The following C16orf95 variants were observed in gnomAD, a reference collection of about 807,000 sequenced individuals.
C16orf95 encodes chromosome 16 open reading frame 95, also known as uncharacterized protein C16orf95.
C16orf95 carries 41 observed loss-of-function variants against 32.1 expected under a neutral mutation model. The observed-to-expected ratio is 1.28, with a 90% CI of 1.00 to 1.66. C16orf95 has a LOEUF of 1.66. C16orf95 is among the 40% of genes most tolerant of loss of function. The pLI is 0.00. For synonymous variants in C16orf95, 147 were observed against 128.9 expected (o/e 1.14, Z -0.95); for missense variants, 399 against 325.9 (o/e 1.22, Z -1.73).
In C16orf95 at chr16:87,315,782, G is replaced by A. The variant is rs1597348325; in HGVS notation, c.194C>T (p.Pro65Leu). ...FQTYKKEVCL[P>L]RHSMHPGPWA... is the part of the protein sequence containing the mutation. ...ATTTGCTTTCCTTACCGAATGACGG[G>A]GGAGGCACACTTCTTTCTTGTAGGT... is the stretch of plus-strand genomic sequence containing the variant. The change falls in exon 2 of 7, where the codon CCC (proline) becomes CTC (leucine). Residue 65 changes from proline (P) to leucine (L), a missense_variant. Coordinates refer to ENST00000567970, the MANE Select transcript of C16orf95 (RefSeq NM_001195124.3). 1 of 1,530,424 alleles carries A rather than the reference G, an allele frequency of 6.5e-7. No homozygotes were observed. The highest frequency in any genetic ancestry group is 8.7e-7 in the Non-Finnish European group (1 of 1,143,942). 94.8% of individuals were successfully genotyped at this position (1,530,424 alleles called of 1,614,324 possible). A position where few individuals can be genotyped will look rare whatever the true frequency, so the allele number is the denominator to read the frequency against.
chr16:87,310,418 G>C (rs1261508951), intron 4 of C16orf95, 85 bp from the exon 5 acceptor site: 4 of 1,347,278 alleles, frequency 3.0e-6, no homozygotes, highest in Non-Finnish European at 3.1e-6. Context: ...AAACCTCCAG[G>C]AGGGGCACTG....
chr16:87,311,118 A>G lies in C16orf95; in HGVS notation c.477+32T>C, dbSNP rs1282962178. 5 of 1,462,148 alleles carry G rather than the reference A, an allele frequency of 3.4e-6. No individual in the cohort carries two copies. In the African/African-American group the frequency reaches 7.0e-5, roughly 21 times the overall value. 90.6% of individuals were successfully genotyped at this position (1,462,148 alleles called of 1,614,324 possible). On this transcript the variant is annotated intron_variant, in intron 4 of 6. Coordinates refer to ENST00000567970, the MANE Select transcript of C16orf95 (RefSeq NM_001195124.3). ...TCCCCCGGCCCCCACCTCACTCTTCAGTTCTCACTGCAGTGTGCGCCTCCT... is the reference window on the plus strand; with the variant it reads ...TCCCCCGGCCCCCACCTCACTCTTCGGTTCTCACTGCAGTGTGCGCCTCCT...
chr16:87,309,986 G>T (rs1911206772), intron 5 of C16orf95, among the ~76,000 whole-genome samples: 1 of 152,132 alleles, frequency 6.6e-6, no homozygotes, highest in Non-Finnish European at 1.5e-5. Flanking sequence ...AATTATAGAA[G>T]ATTAGAGCTT....
chr16:87,309,520 A>T (rs56859944), intron 5 of C16orf95, among the ~76,000 whole-genome samples: 30,364 of 151,012 alleles, frequency 0.2, 3,248 homozygotes, highest in South Asian at 0.31. Flanking sequence ...AGTAGCTGGG[A>T]CTACAGACAT....
intron 6 of C16orf95, 157 bp from the exon 7 acceptor site, chr16:87,303,232 T>C (rs2278268): frequency 0.19 from 137,252 of 719,774 alleles, 14,896 homozygotes; most frequent in South Asian, 0.33. Context: ...GGTGCAGGGA[T>C]GAGGGGTGGG....
At chr16:87,313,542 A>T (rs930132596) in intron 3 of C16orf95, among the ~76,000 whole-genome samples, 6 of 152,116 alleles carry the variant, frequency 3.9e-5, no homozygotes, top group African/African-American at 1.4e-4. Flanking sequence ...GAGACTAGCC[A>T]GGGCAACATA....
In C16orf95 at chr16:87,302,820, G is replaced by A. The variant is rs1862788; in HGVS notation, c.*237C>T. On this transcript the variant is annotated 3_prime_UTR_variant, in exon 7 of 7. Coordinates refer to ENST00000567970, the MANE Select transcript of C16orf95 (RefSeq NM_001195124.3). ...TCATTTAAGAGGTGGCCAGTTTAGA[G>A]TTTCACAAATAACATTTATTGACCA... 17,125 of 547,198 alleles carry A rather than the reference G, an allele frequency of 0.031. 1,680 individuals carry two copies. Among genetic ancestry groups the A allele is most frequent in the African/African-American group, 0.25 (13,017 of 52,460 alleles). 33.9% of individuals were successfully genotyped at this position (547,198 alleles called of 1,614,324 possible).
At position 87,305,118 on chromosome 16, in the gene C16orf95, C is replaced by T. The variant is rs531167548; in HGVS notation, c.701+601G>A. Among the ~76,000 whole-genome samples, 1 of 152,298 alleles carries T rather than the reference C, an allele frequency of 6.6e-6. No homozygotes were observed. The highest frequency in any genetic ancestry group is 6.5e-5 in the Admixed American group (1 of 15,302). ...AAGGAGTAAGAGGAAGTAGCTGTTC[C>T]CCGAAGCCCAGCTGTGGCCCGGGGA... On this transcript the variant is annotated intron_variant, in intron 6 of 6. Coordinates refer to ENST00000567970, the MANE Select transcript of C16orf95 (RefSeq NM_001195124.3). The surrounding 1 kb of genome is among the most constrained non-coding windows in gnomAD (Gnocchi z 4.2).
intron 4 of C16orf95, among the ~76,000 whole-genome samples, chr16:87,310,596 G>GC (rs1242692298): frequency 6.6e-6 from 1 of 152,228 alleles, no homozygotes; most frequent in East Asian, 1.9e-4. Context: ...GGAGCGAGAG[G>GC]CCCAGGGGGC....
chr16:87,305,810 G>A lies in C16orf95; in HGVS notation c.610C>T (p.Gln204Ter), dbSNP rs1459573029. The change falls in exon 6 of 7, where the codon CAG becomes TAG. Residue 204 changes from glutamine (Q) to a stop codon, truncating the protein, a stop_gained. Coordinates refer to ENST00000567970, the MANE Select transcript of C16orf95 (RefSeq NM_001195124.3). LOFTEE classifies it high-confidence loss of function. This position sits in a 1 kb window ranked among gnomAD's most constrained non-coding sequence, Gnocchi z 4.2. ...GCTGCAGGAGCCGGTAGCTGGTCCT[G>A]GTAGGGGGCCTGGAGCTGCTGGAAC... is the stretch of plus-strand genomic sequence containing the variant. ...SKFQQLQAPY[Q>*]DQLPAPAARL... 2 of 1,511,182 alleles carry A rather than the reference G, an allele frequency of 1.3e-6. No individual in the cohort carries two copies. Among genetic ancestry groups the A allele is most frequent in the South Asian group, 2.5e-5 (2 of 81,182 alleles). The allele number at this position is 1,511,182 out of a possible 1,614,324, so 93.6% of individuals were successfully genotyped here.
intron 5 of C16orf95, among the ~76,000 whole-genome samples, chr16:87,309,372 CTTTT>C (rs10551847): frequency 2.3e-5 from 2 of 86,038 alleles, no homozygotes; most frequent in African/African-American, 1.2e-4. Flanking sequence ...TCTTTCTTTT[CTTTT>C]TTTTTTTTTT....
chr16:87,315,003 A>C lies in C16orf95; in HGVS notation c.298T>G (p.Trp100Gly). Residue 100 changes from tryptophan (W) to glycine (G), a missense_variant, in exon 3 of 7, where the codon TGG becomes GGG. Transcript: ENST00000567970. The stretch of plus-strand genomic sequence containing the variant: ...CGGGGTCTCAGGGACAGAGGGACCC[A>C]GTAAGGCAGTGCTGCTTCCACCCTG... Reference protein sequence around the residue: ...VSRVEAALPYWVPLSLRPRKQ... With the variant: ...VSRVEAALPYGVPLSLRPRKQ... 1 of 1,536,162 alleles carries C rather than the reference A, an allele frequency of 6.5e-7. No homozygotes were observed. Among genetic ancestry groups the C allele is most frequent in the South Asian group, 1.2e-5 (1 of 84,064 alleles).
intron 3 of C16orf95, among the ~76,000 whole-genome samples, chr16:87,313,193 T>A (rs1236080900): frequency 2.3e-4 from 32 of 139,760 alleles, no homozygotes; most frequent in African/African-American, 2.7e-4. Context: ...ACATGGAAAT[T>A]AAAAAAAAAA....
chr16:87,310,402 G>C, intron 4 of C16orf95, 69 bp from the exon 5 acceptor site: 1 of 1,475,190 alleles, frequency 6.8e-7, no homozygotes, highest in Non-Finnish European at 9.2e-7. Context: ...TGGTGATTGG[G>C]ACTCCAAACC....
At chr16:87,303,667 A>T in intron 6 of C16orf95, 1 of 154,520 alleles carries the variant, frequency 6.5e-6, no homozygotes, top group Non-Finnish European at 1.4e-5. Flanking sequence ...AACACCACAG[A>T]GTGAGTGACT....
At position 87,317,110 on chromosome 16, in the gene C16orf95, G is replaced by A. The variant is rs1429845573; in HGVS notation, c.133C>T (p.Pro45Ser). 6.5e-7 allele frequency: 1 copy of A among 1,529,890 alleles called. No individual in the cohort carries two copies. The highest frequency in any genetic ancestry group is 2.5e-5 in the East Asian group (1 of 40,614). The allele number at this position is 1,529,890 out of a possible 1,614,324, so 94.8% of individuals were successfully genotyped here. ...ACTTGCCTGCCATCCTGCGCGCTGG[G>A]TGTGAGTGCCAACCTGCAGAGCCCG... The part of the protein sequence containing the change: ...CVGLCRLALT[P>S]SAQDGRNSTF... The change falls in exon 1 of 7, where the codon CCC becomes TCC. Residue 45 changes from proline to serine, a missense_variant. Physicochemically the swap from Pro to Ser is moderately conservative, Grantham distance 74. Coordinates refer to ENST00000567970, the MANE Select transcript of C16orf95 (RefSeq NM_001195124.3).
intron 5 of C16orf95, among the ~76,000 whole-genome samples, chr16:87,306,410 G>A (rs546649226): frequency 1.1e-4 from 17 of 152,136 alleles, no homozygotes; most frequent in African/African-American, 4.1e-4. Context: ...TCTACACGGG[G>A]TCTGGTCAGC....
At chr16:87,314,729 T>C (rs1013162794) in intron 3 of C16orf95, among the ~76,000 whole-genome samples, 2 of 152,204 alleles carry the variant, frequency 1.3e-5, no homozygotes, top group Non-Finnish European at 2.9e-5. Context: ...GATCCTTTTA[T>C]AGTTCATAAG....
At position 87,305,782 on chromosome 16, in the gene C16orf95, CGCG is replaced by C; in HGVS notation, c.635_637del (p.Ala212_Arg213delinsGly). On this transcript the variant is annotated inframe_deletion, in exon 6 of 7. Coordinates refer to ENST00000567970, the MANE Select transcript of C16orf95 (RefSeq NM_001195124.3). The surrounding 1 kb of genome is among the most constrained non-coding windows in gnomAD (Gnocchi z 4.2). ...GGTCAGGAGGCCGAGGGGCAGCAGA[CGCG>C]CTGCAGGAGCCGGTAGCTGGTCCTG... 1 of 1,517,320 alleles carries C rather than the reference CGCG, an allele frequency of 6.6e-7. No individual in the cohort carries two copies. The highest frequency in any genetic ancestry group is 8.8e-7 in the Non-Finnish European group (1 of 1,137,838). The allele number at this position is 1,517,320 out of a possible 1,614,324, so 94.0% of individuals were successfully genotyped here. A position where few individuals can be genotyped will look rare whatever the true frequency, so the allele number is the denominator to read the frequency against.
Sources: allele counts gnomAD v4.1 joint callset (sites outside exome capture counted in the v4.1 genomes callset), GRCh38; gene constraint gnomAD v4.1.1; non-coding constraint Gnocchi (gnomAD v3.1); transcripts MANE v1.5; gene names NCBI Gene and HGNC (gene_info 2026-07-23, HGNC 2026-07-21).